The following ATP8A2 variants were observed in gnomAD, a reference collection of about 807,000 sequenced individuals.
The protein encoded by ATP8A2 is ATPase phospholipid transporting 8A2.
In ATP8A2, 100 loss-of-function variants were observed where a neutral mutation model predicts 165.6. The ratio of observed to expected loss-of-function variants is 0.60; its 90% CI spans 0.51 to 0.71. The LOEUF is 0.71. ATP8A2 is among the 30% of genes least tolerant of loss of function. The probability of loss-of-function intolerance (pLI) is 0.00; values close to 1 mark genes in which losing one functional copy is unlikely to be tolerated. For synonymous variants in ATP8A2, 543 were observed against 548.8 expected (o/e 0.99, Z 0.15); for missense variants, 1,227 against 1,479.5 (o/e 0.83, Z 2.80).
chr13:25,862,442 G>A lies in ATP8A2; in HGVS notation c.3183+34G>A, dbSNP rs759801647. 9 of 1,516,122 alleles carry A rather than the reference G, an allele frequency of 5.9e-6. No individual in the cohort carries two copies. The Admixed American group carries it at 1.5e-4, about 25-fold the overall frequency. 93.9% of individuals were successfully genotyped at this position (1,516,122 alleles called of 1,614,324 possible). A position where few individuals can be genotyped will look rare whatever the true frequency, so the allele number is the denominator to read the frequency against. On this transcript the variant is annotated intron_variant, in intron 33 of 36. Transcript: ENST00000381655. ...TCCTGATTGGGAGTGTGTCTTCTGT[G>A]TCTTGTGACAGCAATGTTTCTCCAT... is the stretch of plus-strand genomic sequence containing the variant.
At chr13:25,396,025 G>A (rs2137991392) in intron 1 of ATP8A2, among the ~76,000 whole-genome samples, 1 of 152,100 alleles carries the variant, frequency 6.6e-6, no homozygotes, top group Admixed American at 6.5e-5. Flanking sequence ...TTTATTTTTA[G>A]TAAAGAGGGG....
intron 22 of ATP8A2, 76 bp downstream of exon 22, chr13:25,580,023 A>C: frequency 6.5e-7 from 1 of 1,530,102 alleles, no homozygotes; most frequent in African/African-American, 1.4e-5. Context: ...TTGAACAGGA[A>C]TCCTTTTACT....
intron 1 of ATP8A2, among the ~76,000 whole-genome samples, chr13:25,429,710 A>G (rs1308066572): frequency 6.6e-6 from 1 of 152,176 alleles, no homozygotes; most frequent in Admixed American, 6.5e-5. Context: ...AGGGGGCAGG[A>G]GGTGTCCCTT....
intron 2 of ATP8A2, among the ~76,000 whole-genome samples, chr13:25,471,749 C>G (rs547183872): frequency 6.6e-6 from 1 of 152,266 alleles, no homozygotes; most frequent in South Asian, 2.1e-4. Context: ...CAGAGGGATT[C>G]CGAGTAGCTG....
chr13:25,980,697 C>G (rs993372342), intron 35 of ATP8A2, among the ~76,000 whole-genome samples: 5 of 152,068 alleles, frequency 3.3e-5, no homozygotes, highest in African/African-American at 1.2e-4. Flanking sequence ...ATCCCATTCT[C>G]AAAGTTAAAA....
chr13:25,890,393 A>C (rs967505282), intron 33 of ATP8A2, among the ~76,000 whole-genome samples: 1 of 152,204 alleles, frequency 6.6e-6, no homozygotes, highest in Non-Finnish European at 1.5e-5. Flanking sequence ...ATAGAAGAAA[A>C]ATGTACATCA....
At position 25,813,715 on chromosome 13, in the gene ATP8A2, T is replaced by C. The variant is rs533224371; in HGVS notation, c.2680-14403T>C. Among the ~76,000 whole-genome samples, 3 of 152,270 alleles carry C rather than the reference T, an allele frequency of 2.0e-5. No homozygotes were observed. The East Asian group carries it at 5.8e-4, about 29-fold the overall frequency. ...GTGATGGTTAATGTTATATGAACTT[T>C]ACTGAGCCATGGGATGCCCAGGTAT... On this transcript the variant is annotated intron_variant, in intron 27 of 36. Coordinates refer to ENST00000381655, the MANE Select transcript of ATP8A2 (RefSeq NM_016529.6).
chr13:25,870,113 C>T (rs1389965616), intron 33 of ATP8A2, among the ~76,000 whole-genome samples: 1 of 152,172 alleles, frequency 6.6e-6, no homozygotes, highest in African/African-American at 2.4e-5. Flanking sequence ...GCCCGGCTGT[C>T]CTCCAATTGT....
chr13:25,575,420 G>T (rs1372147817), intron 19 of ATP8A2, among the ~76,000 whole-genome samples: 1 of 152,198 alleles, frequency 6.6e-6, no homozygotes, highest in Admixed American at 6.5e-5. Context: ...AACATTCATA[G>T]TTGGTTATAA....
chr13:25,573,493 A>G (rs547875976), intron 18 of ATP8A2, among the ~76,000 whole-genome samples: 2 of 152,326 alleles, frequency 1.3e-5, no homozygotes, highest in African/African-American at 2.4e-5. Flanking sequence ...CCATTCATCA[A>G]ACCACCAATT....
intron 1 of ATP8A2, among the ~76,000 whole-genome samples, chr13:25,419,568 G>T (rs1046227402): frequency 6.6e-6 from 1 of 152,184 alleles, no homozygotes; most frequent in African/African-American, 2.4e-5. Flanking sequence ...TGGGCAGCTG[G>T]AGTTTCCAGG....
chr13:25,819,605 G>C (rs915111246), intron 27 of ATP8A2, among the ~76,000 whole-genome samples: 1 of 149,824 alleles, frequency 6.7e-6, no homozygotes, highest in Non-Finnish European at 1.5e-5. Flanking sequence ...GGTGTTTCTA[G>C]TTCATAGATT....
intron 1 of ATP8A2, among the ~76,000 whole-genome samples, chr13:25,422,487 C>T (rs2034328996): frequency 6.6e-6 from 1 of 152,150 alleles, no homozygotes; most frequent in African/African-American, 2.4e-5. Flanking sequence ...ACATCCTTGC[C>T]TTCCCTGTTT....
At chr13:25,547,167 CAAATA>C (rs1418347215) in intron 10 of ATP8A2, among the ~76,000 whole-genome samples, 11 of 151,402 alleles carry the variant, frequency 7.3e-5, no homozygotes, top group South Asian at 2.1e-4. Context: ...AAAAAATAAA[CAAATA>C]AAATAAACAA....
intron 30 of ATP8A2, among the ~76,000 whole-genome samples, chr13:25,848,692 T>C (rs527605745): frequency 6.6e-6 from 1 of 152,348 alleles, no homozygotes; most frequent in South Asian, 2.1e-4. Context: ...CAGCGCTGGT[T>C]GTGAATGTAA....
At chr13:25,623,786 T>C (rs940620442) in intron 24 of ATP8A2, among the ~76,000 whole-genome samples, 1 of 152,094 alleles carries the variant, frequency 6.6e-6, no homozygotes, top group African/African-American at 2.4e-5. Context: ...CACATGCATA[T>C]AGAGATATAT....
chr13:25,894,497 A>G (rs1953473332), intron 33 of ATP8A2, among the ~76,000 whole-genome samples: 1 of 152,162 alleles, frequency 6.6e-6, no homozygotes, highest in African/African-American at 2.4e-5. Flanking sequence ...CTTTTGGCTT[A>G]GGATTGACTT....
intron 25 of ATP8A2, among the ~76,000 whole-genome samples, chr13:25,707,213 T>G (rs3132335): frequency 0.24 from 36,487 of 152,080 alleles, 6,620 homozygotes; most frequent in African/African-American, 0.51. Context: ...AAATAATTAT[T>G]TACAGCTTAG....
At chr13:25,945,716 T>A (rs1955192373) in intron 33 of ATP8A2, among the ~76,000 whole-genome samples, 1 of 152,144 alleles carries the variant, frequency 6.6e-6, no homozygotes, top group African/African-American at 2.4e-5. Flanking sequence ...AAGAAAACAT[T>A]GGAGAAAATG....
Sources: allele counts gnomAD v4.1 joint callset (sites outside exome capture counted in the v4.1 genomes callset), GRCh38; gene constraint gnomAD v4.1.1; transcripts MANE v1.5; gene names NCBI Gene and HGNC (gene_info 2026-07-23, HGNC 2026-07-21).